Variants in CPNE8 observed in about 807,000 individuals in gnomAD.
CPNE8 encodes the protein copine 8.
In CPNE8, 45 loss-of-function variants were observed where a neutral mutation model predicts 81.5. The observed-to-expected ratio is 0.55, with a 90% CI of 0.44 to 0.71. CPNE8 has a LOEUF of 0.71. CPNE8 is among the 30% of genes least tolerant of loss of function. CPNE8 has a pLI of 0.00. For missense variants in CPNE8, 594 were observed against 672.1 expected (o/e 0.88, Z 1.28); for synonymous variants, 252 against 226.3 (o/e 1.11, Z -1.02).
intron 6 of CPNE8, among the ~76,000 whole-genome samples, chr12:38,797,129 A>G (rs566128413): frequency 1.3e-5 from 2 of 152,326 alleles, no homozygotes; most frequent in East Asian, 3.9e-4. Context: ...GGCACAGACA[A>G]ACAAAAAGAC....
chr12:38,769,101 C>T (rs147088206), intron 7 of CPNE8, among the ~76,000 whole-genome samples: 143 of 152,186 alleles, frequency 9.4e-4, no homozygotes, highest in African/African-American at 3.4e-3. Context: ...ACTTAGCAAA[C>T]ATTTAGCAAG....
At chr12:38,880,682 T>G (rs1944139990) in intron 1 of CPNE8, among the ~76,000 whole-genome samples, 1 of 152,200 alleles carries the variant, frequency 6.6e-6, no homozygotes, top group Admixed American at 6.5e-5. Flanking sequence ...ATTTTTTTTA[T>G]GAAGACAAGG....
At chr12:38,661,718 G>T (rs974951344) in intron 19 of CPNE8, among the ~76,000 whole-genome samples, 7 of 152,026 alleles carry the variant, frequency 4.6e-5, no homozygotes, top group Admixed American at 3.3e-4. Flanking sequence ...AAATCTACAG[G>T]TTAATATTCC....
intron 7 of CPNE8, among the ~76,000 whole-genome samples, chr12:38,773,841 T>C (rs1018428786): frequency 6.6e-6 from 1 of 152,130 alleles, no homozygotes; most frequent in African/African-American, 2.4e-5. Context: ...AGTAATGAAA[T>C]ACTATTTCAA....
Position 38,763,331 on chromosome 12 carries a change from A to G in CPNE8, c.576-1115T>C, listed in dbSNP as rs114934709. 4.9e-3 allele frequency among the ~76,000 whole-genome samples: 751 copies of G among 152,356 alleles called. 5 individuals carry two copies. Among genetic ancestry groups the G allele is most frequent in the African/African-American group, 0.017 (699 of 41,592 alleles). ...CCAATTGCCACCATTTTCTTATGAA[A>G]GAGGATGCATGACAATGAGCAAAGA... On this transcript the variant is annotated intron_variant, in intron 8 of 19. Transcript: ENST00000331366.
chr12:38,672,381 G>C (rs1459468303), intron 18 of CPNE8, among the ~76,000 whole-genome samples: 1 of 152,194 alleles, frequency 6.6e-6, no homozygotes, highest in Non-Finnish European at 1.5e-5. Context: ...ACAGCAAGAA[G>C]TGGAGGCTGT....
intron 6 of CPNE8, among the ~76,000 whole-genome samples, chr12:38,787,795 A>T (rs1226369545): frequency 3.3e-5 from 5 of 151,796 alleles, no homozygotes; most frequent in African/African-American, 1.2e-4. Flanking sequence ...TCAAAGAATC[A>T]TTAGCAGCTA....
chr12:38,781,647 A>G (rs565296445), intron 6 of CPNE8, among the ~76,000 whole-genome samples: 22 of 152,214 alleles, frequency 1.4e-4, no homozygotes, highest in African/African-American at 5.3e-4. Flanking sequence ...AGCAAAATTG[A>G]CACAACTACA....
chr12:38,897,312 T>C (rs566091209), intron 1 of CPNE8, among the ~76,000 whole-genome samples: 36 of 152,220 alleles, frequency 2.4e-4, no homozygotes, highest in Non-Finnish European at 4.7e-4. Flanking sequence ...CAAAATCCCT[T>C]TGAGAAGATA....
chr12:38,759,518 C>T (rs1375163012), intron 10 of CPNE8, among the ~76,000 whole-genome samples: 1 of 152,094 alleles, frequency 6.6e-6, no homozygotes, highest in Non-Finnish European at 1.5e-5. Flanking sequence ...AAATGAATAC[C>T]TGGCAGAAAC....
chr12:38,795,384 A>G (rs1942435565), intron 6 of CPNE8, among the ~76,000 whole-genome samples: 1 of 152,228 alleles, frequency 6.6e-6, no homozygotes, highest in South Asian at 2.1e-4. Flanking sequence ...TGTATATTCA[A>G]AATAATTGAA....
chr12:38,848,800 A>T (rs554264348), intron 3 of CPNE8, 138 bp from the exon 4 acceptor site: 1 of 1,138,830 alleles, frequency 8.8e-7, no homozygotes, highest in East Asian at 3.3e-5. Context: ...CGATAAAATC[A>T]CCTCTCTTAT....
At chr12:38,805,607 C>T (rs1254184794) in intron 6 of CPNE8, among the ~76,000 whole-genome samples, 1 of 96,378 alleles carries the variant, frequency 1.0e-5, no homozygotes, top group Non-Finnish European at 2.1e-5. Context: ...CACATGTATA[C>T]ATATGTAACT....
chr12:38,838,329 C>T (rs1943418079), intron 5 of CPNE8, among the ~76,000 whole-genome samples: 1 of 152,008 alleles, frequency 6.6e-6, no homozygotes, highest in Admixed American at 6.6e-5. Flanking sequence ...GAATATGTGG[C>T]CTGAGAGAGA....
At chr12:38,774,363 C>A (rs141703523) in intron 7 of CPNE8, among the ~76,000 whole-genome samples, 28 of 152,102 alleles carry the variant, frequency 1.8e-4, no homozygotes, top group Admixed American at 6.5e-4. Context: ...TTCTTTCCTC[C>A]TTTATCATAC....
At chr12:38,809,056 GA>G (rs1406264916) in intron 6 of CPNE8, among the ~76,000 whole-genome samples, 2 of 152,098 alleles carry the variant, frequency 1.3e-5, no homozygotes, top group African/African-American at 4.8e-5. Context: ...TGACCATTTG[GA>G]AAACAATTTG....
intron 1 of CPNE8, among the ~76,000 whole-genome samples, chr12:38,889,523 G>C (rs1944281432): frequency 6.6e-6 from 1 of 152,156 alleles, no homozygotes; most frequent in South Asian, 2.1e-4. Context: ...GGGACATAGA[G>C]AGAAAGAGAT....
At chr12:38,673,243 G>T (rs1939218706) in intron 18 of CPNE8, among the ~76,000 whole-genome samples, 1 of 152,178 alleles carries the variant, frequency 6.6e-6, no homozygotes, top group South Asian at 2.1e-4. Flanking sequence ...TCCCAGCCAT[G>T]TGGAACTGTG....
intron 13 of CPNE8, among the ~76,000 whole-genome samples, chr12:38,707,951 T>A (rs906447307): frequency 6.6e-6 from 1 of 152,190 alleles, no homozygotes; most frequent in Non-Finnish European, 1.5e-5. Context: ...AAAACACCAT[T>A]CTTGAACTCA....
Sources: allele counts gnomAD v4.1 joint callset (sites outside exome capture counted in the v4.1 genomes callset), GRCh38; gene constraint gnomAD v4.1.1; transcripts MANE v1.5; gene names NCBI Gene and HGNC (gene_info 2026-07-23, HGNC 2026-07-21).